The following ARRDC5 variants were observed in gnomAD, a reference collection of about 807,000 sequenced individuals.
The protein encoded by ARRDC5 is arrestin domain-containing protein 5.
ARRDC5 carries 12 observed loss-of-function variants against 13.3 expected under a neutral mutation model. That is an observed-to-expected ratio of 0.90 (90% CI 0.58 to 1.46). ARRDC5 has a LOEUF of 1.46. ARRDC5 is among the 40% of genes most tolerant of loss of function. ARRDC5 has a pLI of 0.00. For synonymous variants in ARRDC5, 181 were observed against 173.4 expected (o/e 1.04, Z -0.34); for missense variants, 406 against 418.7 (o/e 0.97, Z 0.26).
the ARRDC5 span, among the ~76,000 whole-genome samples, chr19:4,916,779 C>A: frequency 5.9e-5 from 9 of 152,246 alleles, no homozygotes; most frequent in Non-Finnish European, 7.3e-5. Context: ...GACGGGCCAG[C>A]AGGAGCTGTG....
chr19:4,908,681 C>G, the ARRDC5 span, among the ~76,000 whole-genome samples: 2 of 152,226 alleles, frequency 1.3e-5, no homozygotes, highest in Non-Finnish European at 2.9e-5. Flanking sequence ...CCTCCCACCA[C>G]ATGGCTGCTG....
intron 2 of ARRDC5, among the ~76,000 whole-genome samples, chr19:4,891,930 G>A (rs145975028): frequency 2.4e-4 from 35 of 144,914 alleles, no homozygotes; most frequent in African/African-American, 8.6e-4. Context: ...ACTTCAGCCA[G>A]GGCTACAGAG....
chr19:4,915,238 C>T, the ARRDC5 span, among the ~76,000 whole-genome samples: 4 of 152,176 alleles, frequency 2.6e-5, no homozygotes, highest in Non-Finnish European at 5.9e-5. Context: ...CTTCTGTCTG[C>T]GGGAGGGAGG....
the ARRDC5 span, chr19:4,909,821 G>T: frequency 2.4e-6 from 1 of 423,848 alleles, no homozygotes; most frequent in Non-Finnish European, 4.2e-6. Context: ...TCGTTCCCCG[G>T]CACACATCCG....
upstream of ARRDC5, among the ~76,000 whole-genome samples, chr19:4,904,325 TCC>T: frequency 6.6e-6 from 1 of 152,104 alleles, no homozygotes; most frequent in Non-Finnish European, 1.5e-5. Context: ...ACTACAGGCG[TCC>T]GCCACAAATG....
At chr19:4,896,987 C>CAAAA in intron 1 of ARRDC5, 111 bp from the exon 2 acceptor site, 4 of 733,158 alleles carry the variant, frequency 5.5e-6, no homozygotes, top group Non-Finnish European at 8.6e-6. Context: ...GACACGGTCT[C>CAAAA]ACTCTGTCAC....
chr19:4,912,110 C>T, the ARRDC5 span, among the ~76,000 whole-genome samples: 2 of 152,250 alleles, frequency 1.3e-5, no homozygotes, highest in Middle Eastern at 3.4e-3. Flanking sequence ...GCCCTCTTCC[C>T]GTAAGAGACG....
intron 1 of ARRDC5, among the ~76,000 whole-genome samples, chr19:4,902,321 G>A (rs1210227984): frequency 1.3e-5 from 2 of 152,206 alleles, no homozygotes; most frequent in Non-Finnish European, 2.9e-5. Flanking sequence ...GTTGGATTGA[G>A]CATTTTCCAA....
intron 1 of ARRDC5, among the ~76,000 whole-genome samples, chr19:4,900,554 CTG>C (rs2031882861): frequency 6.6e-6 from 1 of 152,150 alleles, no homozygotes; most frequent in Non-Finnish European, 1.5e-5. Flanking sequence ...GATTGGTTAA[CTG>C]AGAGCCAGAG....
At chr19:4,909,864 G>T in the ARRDC5 span, 3 of 381,234 alleles carry the variant, frequency 7.9e-6, no homozygotes, top group Non-Finnish European at 1.4e-5. Flanking sequence ...CGTCCCCGGA[G>T]CCCGGCGGGG....
At chr19:4,892,973 GGCGTCGGCAATCCCA>G (rs1203258980) in intron 2 of ARRDC5, among the ~76,000 whole-genome samples, 1 of 150,390 alleles carries the variant, frequency 6.6e-6, no homozygotes, top group African/African-American at 2.4e-5. Flanking sequence ...CGTGGTGGCA[GGCGTCGGCAATCCCA>G]GCTACTCAGG....
chr19:4,909,209 G>T, the ARRDC5 span: 1 of 470,142 alleles, frequency 2.1e-6, no homozygotes, highest in South Asian at 3.1e-5. Context: ...AGAGTTCAGG[G>T]GGTCTGTACC....
intron 1 of ARRDC5, among the ~76,000 whole-genome samples, chr19:4,899,866 G>C (rs2031858654): frequency 1.3e-5 from 2 of 150,640 alleles, no homozygotes; most frequent in Admixed American, 1.3e-4. Context: ...GAGAACCCGG[G>C]AGGCGGAGCT....
chr19:4,910,612 A>G, the ARRDC5 span: 2 of 364,596 alleles, frequency 5.5e-6, no homozygotes. Flanking sequence ...GATGGGTTGG[A>G]CCTTCTGCTT....
At chr19:4,893,265 G>C (rs1010098055) in intron 2 of ARRDC5, among the ~76,000 whole-genome samples, 8 of 143,778 alleles carry the variant, frequency 5.6e-5, no homozygotes, top group Admixed American at 2.2e-4. Context: ...CAGCACTTTG[G>C]GGGGCCGAGG....
chr19:4,896,313 C>CAAAA lies in ARRDC5; in HGVS notation c.459+354_459+357dup, dbSNP rs559677827. 1.8e-3 allele frequency among the ~76,000 whole-genome samples: 96 copies of CAAAA among 54,108 alleles called. 1 individual carries two copies. The highest frequency in any genetic ancestry group is 5.6e-3 in the African/African-American group (75 of 13,510). 35.5% of individuals were successfully genotyped at this position (54,108 alleles called of 152,430 possible). ...CTGGTGACAGAGCGAGACTGCATCT[C>CAAAA]AAAAAAAAAAAAAAAAATATATATA... On this transcript the variant is annotated intron_variant, in intron 2 of 2. Coordinates refer to ENST00000650722, the MANE Select transcript of ARRDC5 (RefSeq NM_001080523.3).
the ARRDC5 span, among the ~76,000 whole-genome samples, chr19:4,913,411 G>A: frequency 6.6e-6 from 1 of 151,758 alleles, no homozygotes; most frequent in African/African-American, 2.4e-5. Flanking sequence ...CCACCACCAC[G>A]CCTGATTAAT....
upstream of ARRDC5, among the ~76,000 whole-genome samples, chr19:4,906,255 A>C (rs994531947): frequency 2.6e-5 from 4 of 152,202 alleles, no homozygotes; most frequent in African/African-American, 9.6e-5. Context: ...CTGGGATTGC[A>C]GGTGTGAGCC....
chr19:4,909,525 A>G, the ARRDC5 span: 2 of 658,478 alleles, frequency 3.0e-6, no homozygotes, highest in East Asian at 3.2e-5. Context: ...CGCGGCGGGC[A>G]GCGTTTGCCG....
Sources: gnomAD v4.1 joint callset for allele counts (sites outside exome capture counted in the v4.1 genomes callset) on GRCh38, gnomAD v4.1.1 for gene constraint, MANE v1.5 for transcripts, NCBI Gene and HGNC (gene_info 2026-07-23, HGNC 2026-07-21) for gene names.